Variants in KIF9 observed in about 807,000 individuals in gnomAD.
KIF9 encodes the protein kinesin family member 9, also known as kinesin-like protein KIF9.
A neutral mutation model predicts 94.8 loss-of-function variants in KIF9; 68 were observed. The observed-to-expected ratio is 0.72, with a 90% CI of 0.59 to 0.88. KIF9 has a LOEUF of 0.88. KIF9 is among the 40% of genes least tolerant of loss of function. The pLI, the probability that KIF9 is intolerant of heterozygous loss-of-function variation, is 0.00. For synonymous variants in KIF9, 343 were observed against 362.1 expected (o/e 0.95, Z 0.60); for missense variants, 882 against 982.5 (o/e 0.90, Z 1.37).
At position 47,277,345 on chromosome 3, in the gene KIF9, A is replaced by G. The variant is rs1201777671; in HGVS notation, c.30T>C (p.Phe10=). 1.2e-6 allele frequency: 2 copies of G among 1,613,964 alleles called. No homozygotes were observed. The highest frequency in any genetic ancestry group is 1.7e-6 in the Non-Finnish European group (2 of 1,179,952). The change falls in exon 2 of 21, where the codon TTT becomes TTC. Residue 10 remains phenylalanine (F), a synonymous_variant. Coordinates refer to ENST00000684063, the MANE Select transcript of KIF9 (RefSeq NM_182902.4). MGTRKKVHA[F]VRVKPTDDFA... ...AGTCATCGGTGGGTTTGACACGGAC[A>G]AATGCATGAACTTTTTTCCTAGTAC...
chr3:47,241,374 T>A (rs1575954100), intron 16 of KIF9, among the ~76,000 whole-genome samples: 1 of 149,788 alleles, frequency 6.7e-6, no homozygotes, highest in South Asian at 2.1e-4. Context: ...CAGGCTGGAG[T>A]GAAATGGCAC....
intron 19 of KIF9, 104 bp from the exon 20 acceptor site, chr3:47,235,721 G>A (rs534526575): frequency 8.8e-5 from 76 of 860,848 alleles, no homozygotes; most frequent in Middle Eastern, 3.4e-4. Context: ...GCCACACACC[G>A]CCCCACCGCC....
At chr3:47,244,729 C>T in intron 15 of KIF9, 62 bp downstream of exon 15, 1 of 1,589,112 alleles carries the variant, frequency 6.3e-7, no homozygotes, top group Non-Finnish European at 8.6e-7. Context: ...CAGTGCACAT[C>T]CTCCCATGCA....
chr3:47,279,939 TTTTA>T (rs1702226891), intron 1 of KIF9, among the ~76,000 whole-genome samples: 1 of 152,076 alleles, frequency 6.6e-6, no homozygotes, highest in Non-Finnish European at 1.5e-5. Flanking sequence ...TTATTCCAGA[TTTTA>T]TTTATTTATT....
At position 47,244,938 on chromosome 3, in the gene KIF9, C is replaced by G; in HGVS notation, c.1381-14G>C. On this transcript the variant is annotated splice_polypyrimidine_tract_variant and intron_variant, in intron 14 of 20. Coordinates refer to ENST00000684063, the MANE Select transcript of KIF9 (RefSeq NM_182902.4). ...CACAAGCCCCGCCTACATAGAGAGG[C>G]CAGCCAAAGGTCTGTGAGTTAGATT... 1 of 1,613,828 alleles carries G rather than the reference C, an allele frequency of 6.2e-7. No homozygotes were observed. The highest frequency in any genetic ancestry group is 8.5e-7 in the Non-Finnish European group (1 of 1,179,800).
At chr3:47,241,704 T>C (rs1193206896) in intron 16 of KIF9, among the ~76,000 whole-genome samples, 1 of 149,102 alleles carries the variant, frequency 6.7e-6, no homozygotes, top group Non-Finnish European at 1.5e-5. Context: ...CATATATGCA[T>C]ACACACACAC....
chr3:47,235,529 A>G lies in KIF9; in HGVS notation c.2306T>C (p.Val769Ala). 2 of 1,613,280 alleles carry G rather than the reference A, an allele frequency of 1.2e-6. No individual in the cohort carries two copies. The highest frequency in any genetic ancestry group is 1.7e-6 in the Non-Finnish European group (2 of 1,179,318). ...CTGAGTTACCTTCTGCTCTATCTTGACTTTGGCATTGTAGAAGGAGATGGA... is the reference window on the plus strand; with the variant it reads ...CTGAGTTACCTTCTGCTCTATCTTGGCTTTGGCATTGTAGAAGGAGATGGA... ...PDSISFYNAKVKIEQKHNYLK... is the reference protein window; with the variant it reads ...PDSISFYNAKAKIEQKHNYLK... Residue 769 changes from valine to alanine, a missense_variant, in exon 20 of 21, where the codon GTC becomes GCC. By Grantham distance (64) the Val-to-Ala change is moderately conservative. Coordinates refer to ENST00000684063, the MANE Select transcript of KIF9 (RefSeq NM_182902.4).
intron 17 of KIF9, among the ~76,000 whole-genome samples, chr3:47,240,446 AGAC>A (rs1332114766): frequency 6.6e-6 from 1 of 152,142 alleles, no homozygotes; most frequent in Non-Finnish European, 1.5e-5. Flanking sequence ...AACCACACAG[AGAC>A]CCACGGACCT....
chr3:47,260,829 A>G (rs897519490), intron 9 of KIF9, among the ~76,000 whole-genome samples: 1 of 152,074 alleles, frequency 6.6e-6, no homozygotes, highest in African/African-American at 2.4e-5. Context: ...GGGCCAGAGG[A>G]GTAGTTTGCC....
At chr3:47,237,986 G>T (rs994611915) in intron 17 of KIF9, among the ~76,000 whole-genome samples, 3 of 152,208 alleles carry the variant, frequency 2.0e-5, no homozygotes, top group Admixed American at 6.5e-5. Flanking sequence ...TGAAGATGGG[G>T]AGTAACTGTG....
rs1176715144 is a variant in KIF9 at position 47,264,227 on chromosome 3, C to A, written c.981+59G>T. 9 of 1,346,052 alleles carry A rather than the reference C, an allele frequency of 6.7e-6. No individual in the cohort carries two copies. The East Asian group carries it at 2.1e-4, about 31-fold the overall frequency. 83.4% of individuals were successfully genotyped at this position (1,346,052 alleles called of 1,614,324 possible). On this transcript the variant is annotated intron_variant, in intron 9 of 20. Transcript: ENST00000684063. ...AGGGTAGCCAGCCTGGAGCCTTACC[C>A]TGCCCTGGCACCCATGAAGGGGGAT...
rs533104483 is a variant in KIF9 at position 47,281,504 on chromosome 3, C to A, written c.-6+991G>T. Reference sequence around the variant, plus strand: ...CTAGGACTACAGGCGTGCACCACCACGCCCGGGTAATTTTTGTATTTTTCG... The same window carrying A: ...CTAGGACTACAGGCGTGCACCACCAAGCCCGGGTAATTTTTGTATTTTTCG... On this transcript the variant is annotated intron_variant, in intron 1 of 20. Coordinates refer to ENST00000684063, the MANE Select transcript of KIF9 (RefSeq NM_182902.4). Among the ~76,000 whole-genome samples the A allele has an allele frequency of 7.2e-5, 11 of 152,268 alleles. No homozygotes were observed. In the South Asian group the frequency reaches 2.3e-3, roughly 32 times the overall value.
At chr3:47,250,093 C>T (rs894203493) in intron 10 of KIF9, among the ~76,000 whole-genome samples, 1 of 56,196 alleles carries the variant, frequency 1.8e-5, no homozygotes, top group African/African-American at 5.3e-5. Flanking sequence ...CTGCAACATG[C>T]TTTAAAAATC....
At chr3:47,232,968 G>A (rs1156493724) in intron 20 of KIF9, among the ~76,000 whole-genome samples, 4 of 143,886 alleles carry the variant, frequency 2.8e-5, no homozygotes, top group Admixed American at 2.1e-4. Context: ...GCGACAGAGC[G>A]AGACTCCATC....
intron 10 of KIF9, chr3:47,250,523 GA>G: frequency 2.3e-6 from 1 of 437,826 alleles, no homozygotes; most frequent in Non-Finnish European, 4.7e-6. Context: ...TTTTTTTTCA[GA>G]TCAGACGGGT....
chr3:47,262,349 G>A (rs189759461), intron 9 of KIF9, among the ~76,000 whole-genome samples: 252 of 150,770 alleles, frequency 1.7e-3, no homozygotes, highest in Non-Finnish European at 2.9e-3. Context: ...CCCAATCTCC[G>A]CTCACTACAA....
intron 8 of KIF9, among the ~76,000 whole-genome samples, 188 bp downstream of exon 8, chr3:47,265,542 A>T (rs1348948713): frequency 6.6e-6 from 1 of 152,202 alleles, no homozygotes; most frequent in Non-Finnish European, 1.5e-5. Context: ...AGTGAATAGC[A>T]TAGTGTGTTC....
At chr3:47,281,226 A>C in intron 1 of KIF9, 1 of 534,510 alleles carries the variant, frequency 1.9e-6, no homozygotes. Context: ...ATATGATGTC[A>C]CTCCCCTTCC....
At chr3:47,272,645 T>C (rs1701718206) in intron 4 of KIF9, among the ~76,000 whole-genome samples, 1 of 152,140 alleles carries the variant, frequency 6.6e-6, no homozygotes, top group African/African-American at 2.4e-5. Context: ...ATATTTTAAA[T>C]ATATTTAGTT....
Sources: gnomAD v4.1 joint callset for allele counts (sites outside exome capture counted in the v4.1 genomes callset) on GRCh38, gnomAD v4.1.1 for gene constraint, MANE v1.5 for transcripts, NCBI Gene and HGNC (gene_info 2026-07-23, HGNC 2026-07-21) for gene names.